RAD18: variants seen among roughly 807,000 people sequenced by gnomAD.
The protein encoded by RAD18 is E3 ubiquitin-protein ligase RAD18.
RAD18 carries 47 observed loss-of-function variants against 60.4 expected under a neutral mutation model. The ratio of observed to expected loss-of-function variants is 0.78; its 90% CI spans 0.62 to 0.99. RAD18 has a LOEUF of 0.99. RAD18 is among the 50% of genes least tolerant of loss of function. The probability of loss-of-function intolerance (pLI) is 0.00; values close to 1 mark genes in which losing one functional copy is unlikely to be tolerated. For synonymous variants in RAD18, 225 were observed against 195.5 expected (o/e 1.15, Z -1.26); for missense variants, 640 against 593.3 (o/e 1.08, Z -0.82).
intron 7 of RAD18, among the ~76,000 whole-genome samples, chr3:8,927,097 G>C (rs1363372596): frequency 2.0e-5 from 3 of 152,188 alleles, no homozygotes; most frequent in Admixed American, 6.5e-5. Context: ...CACAGCAAAA[G>C]AAACTACCAT....
At chr3:8,930,573 T>G (rs1436263769) in intron 7 of RAD18, among the ~76,000 whole-genome samples, 1 of 152,154 alleles carries the variant, frequency 6.6e-6, no homozygotes, top group Non-Finnish European at 1.5e-5. Context: ...ATGAATTATA[T>G]TTCAATAAAC....
chr3:8,947,341 T>G (rs771067650), intron 3 of RAD18, 51 bp from the exon 4 acceptor site: 1 of 1,416,848 alleles, frequency 7.1e-7, no homozygotes, highest in East Asian at 2.3e-5. Context: ...ATAATCAACT[T>G]GTCATAATCT....
chr3:8,933,805 T>A (rs1209181468), intron 7 of RAD18, among the ~76,000 whole-genome samples: 1 of 152,140 alleles, frequency 6.6e-6, no homozygotes, highest in African/African-American at 2.4e-5. Context: ...ATTTAAAAAC[T>A]TATATGGAAA....
intron 7 of RAD18, among the ~76,000 whole-genome samples, chr3:8,923,263 G>C (rs545324051): frequency 1.3e-5 from 2 of 152,324 alleles, no homozygotes; most frequent in East Asian, 3.9e-4. Context: ...ACTACGTGAC[G>C]AATGCACAAG....
At position 8,927,459 on chromosome 3, in the gene RAD18, G is replaced by C. The variant is rs548558834; in HGVS notation, c.889+8412C>G. On this transcript the variant is annotated intron_variant, in intron 7 of 12. Transcript: ENST00000264926. ...AAATAGGAACACTTTTACACTGTTG[G>C]TGGGACTGTAAACTAGTTCAACCAT... Among the ~76,000 whole-genome samples the C allele has an allele frequency of 5.7e-4, 87 of 152,312 alleles. No individual in the cohort carries two copies. In the South Asian group the frequency reaches 6.4e-3, roughly 11 times the overall value.
Position 8,947,259 on chromosome 3 carries a change from C to T in RAD18, c.227G>A (p.Arg76His), listed in dbSNP as rs377707311. The change falls in exon 4 of 13, where the codon CGC becomes CAC. Residue 76 changes from arginine to histidine, a missense_variant. By Grantham distance (29) the Arg-to-His change is conservative. Transcript: ENST00000264926. ...TVTEPDLKNN[R>H]ILDELVKSLN... ...GCTTTTTACCAGTTCATCTAATATGCGGTTATTTTTCAGATCCGGCTCTGT... is the reference window on the plus strand; with the variant it reads ...GCTTTTTACCAGTTCATCTAATATGTGGTTATTTTTCAGATCCGGCTCTGT... 2.0e-5 allele frequency: 32 copies of T among 1,610,560 alleles called. No individual in the cohort carries two copies. The highest frequency in any genetic ancestry group is 6.7e-5 in the African/African-American group (5 of 74,714).
chr3:8,914,483 C>T (rs1940161049), intron 7 of RAD18, among the ~76,000 whole-genome samples: 1 of 152,144 alleles, frequency 6.6e-6, no homozygotes, highest in Non-Finnish European at 1.5e-5. Flanking sequence ...GGGTAGTAGG[C>T]ATATGGGGAA....
At chr3:8,947,160 A>T in intron 4 of RAD18, 60 bp downstream of exon 4, 1 of 1,285,356 alleles carries the variant, frequency 7.8e-7, no homozygotes, top group Non-Finnish European at 1.1e-6. Flanking sequence ...CACAAAGTAA[A>T]GAGAGAACAC....
chr3:8,918,518 A>G (rs187287017), intron 7 of RAD18, among the ~76,000 whole-genome samples: 7 of 152,274 alleles, frequency 4.6e-5, no homozygotes, highest in Admixed American at 1.3e-4. Context: ...ACAGACAACT[A>G]TAAGAGAACT....
At chr3:8,912,160 T>G (rs1940115049) in intron 9 of RAD18, 152 bp downstream of exon 9, 1 of 606,434 alleles carries the variant, frequency 1.6e-6, no homozygotes, top group African/African-American at 2.0e-5. Flanking sequence ...AAAAAGTCAC[T>G]AAGTAAACAC....
intron 7 of RAD18, among the ~76,000 whole-genome samples, chr3:8,933,078 A>C (rs1249650083): frequency 1.3e-5 from 2 of 151,596 alleles, no homozygotes; most frequent in Non-Finnish European, 2.9e-5. Context: ...CCTGGCCGAC[A>C]GAGAGAGACT....
At chr3:8,891,444 C>T (rs188144161) in intron 11 of RAD18, among the ~76,000 whole-genome samples, 34 of 152,244 alleles carry the variant, frequency 2.2e-4, no homozygotes, top group Admixed American at 3.3e-4. Flanking sequence ...TAGGGGCTTT[C>T]AAATCACCAG....
At chr3:8,912,140 T>C (rs1940114420) in intron 9 of RAD18, among the ~76,000 whole-genome samples, 172 bp downstream of exon 9, 1 of 152,074 alleles carries the variant, frequency 6.6e-6, no homozygotes, top group African/African-American at 2.4e-5. Flanking sequence ...AGCAGGCATA[T>C]AAAATACAAA....
chr3:8,917,832 T>C (rs974831292), intron 7 of RAD18, among the ~76,000 whole-genome samples: 1 of 152,046 alleles, frequency 6.6e-6, no homozygotes, highest in Non-Finnish European at 1.5e-5. Flanking sequence ...ACAGAGGATG[T>C]CAGATTGGAT....
intron 2 of RAD18, among the ~76,000 whole-genome samples, chr3:8,952,062 C>G (rs774944358): frequency 9.2e-5 from 14 of 152,128 alleles, no homozygotes; most frequent in Non-Finnish European, 1.3e-4. Context: ...CTTCAAACAC[C>G]AACACATTGG....
In RAD18 at chr3:8,943,166, C is replaced by T. The variant is rs185338920; in HGVS notation, c.267-1362G>A. On this transcript the variant is annotated intron_variant, in intron 4 of 12. Transcript: ENST00000264926. The stretch of plus-strand genomic sequence containing the variant: ...AGAAGACAATTCACAGCTTCTACAA[C>T]GTTTCAACCACAATGTTCAGCACAT... Among the ~76,000 whole-genome samples, 15 of 152,254 alleles carry T rather than the reference C, an allele frequency of 9.9e-5. 1 individual carries two copies. The East Asian group carries it at 1.9e-3, about 20-fold the overall frequency.
intron 7 of RAD18, 54 bp from the exon 8 acceptor site, chr3:8,913,774 T>C (rs1217308118): frequency 4.4e-6 from 5 of 1,137,294 alleles, no homozygotes; most frequent in Non-Finnish European, 6.2e-6. Flanking sequence ...TTTTAATCAC[T>C]GTACAATAAT....
chr3:8,913,825 A>G (rs1161558377), intron 7 of RAD18, 105 bp from the exon 8 acceptor site: 1 of 600,250 alleles, frequency 1.7e-6, no homozygotes, highest in Admixed American at 4.1e-5. Flanking sequence ...GGTGATGGGT[A>G]TATGTGAACT....
intron 2 of RAD18, among the ~76,000 whole-genome samples, chr3:8,957,489 T>C (rs913314880): frequency 2.6e-5 from 4 of 152,356 alleles, no homozygotes; most frequent in South Asian, 2.1e-4. Context: ...GTCTAGCATA[T>C]AAGCATTTTA....
Sources: allele counts gnomAD v4.1 joint callset (sites outside exome capture counted in the v4.1 genomes callset), GRCh38; gene constraint gnomAD v4.1.1; transcripts MANE v1.5; gene names NCBI Gene and HGNC (gene_info 2026-07-23, HGNC 2026-07-21).